The following MLLT10 variants were observed in gnomAD, a reference collection of about 807,000 sequenced individuals.
MLLT10 encodes MLLT10 histone lysine methyltransferase DOT1L cofactor.
In MLLT10, 30 loss-of-function variants were observed where a neutral mutation model predicts 129.1. The observed-to-expected ratio is 0.23, with a 90% CI of 0.17 to 0.32. The LOEUF is 0.32. Ranked by LOEUF, MLLT10 falls within the 10% of genes least tolerant of loss-of-function variation. MLLT10 has a pLI of 1.00. For synonymous variants in MLLT10, 490 were observed against 446.4 expected, an observed-to-expected ratio of 1.10 and a Z score of -1.23; for missense variants, 1,119 against 1,268.3, an observed-to-expected ratio of 0.88 and a Z score of 1.79.
At chr10:21,641,934 T>G (rs1318721123) in intron 8 of MLLT10, among the ~76,000 whole-genome samples, 1 of 152,220 alleles carries the variant, frequency 6.6e-6, no homozygotes, top group African/African-American at 2.4e-5. Context: ...TCATGTGATT[T>G]TTTTGGCTTT....
At chr10:21,644,853 A>G (rs371571373) in intron 8 of MLLT10, among the ~76,000 whole-genome samples, 1 of 151,752 alleles carries the variant, frequency 6.6e-6, no homozygotes, top group Non-Finnish European at 1.5e-5. Context: ...CTGATGTCCA[A>G]CTCCTGGCCT....
chr10:21,712,264 A>G (rs1467028620), intron 13 of MLLT10, among the ~76,000 whole-genome samples: 1 of 151,226 alleles, frequency 6.6e-6, no homozygotes, highest in Non-Finnish European at 1.5e-5. Context: ...GCTGGAGTGC[A>G]GTGATACAAT....
Position 21,603,116 on chromosome 10 carries a change from G to A in MLLT10, c.405+7676G>A, listed in dbSNP as rs192555754. Among the ~76,000 whole-genome samples the A allele has an allele frequency of 1.4e-3, 209 of 146,104 alleles. 4 individuals are homozygous for A. The highest frequency in any genetic ancestry group is 5.0e-3 in the African/African-American group (195 of 39,310). ...TTCCCAGGCTGAAATGCAGTGGTGC[G>A]ATCTTGGCTCACTGCAACCTCCTCC... is the stretch of plus-strand genomic sequence containing the variant. On this transcript the variant is annotated intron_variant, in intron 5 of 22. Transcript: ENST00000307729.
rs533869347 is a variant in MLLT10 at position 21,623,755 on chromosome 10, A to G, written c.699+6548A>G. Among the ~76,000 whole-genome samples, 10 of 152,272 alleles carry G rather than the reference A, an allele frequency of 6.6e-5. No homozygotes were observed. In the South Asian group the frequency reaches 1.9e-3, roughly 28 times the overall value. On this transcript the variant is annotated intron_variant, in intron 8 of 22. Coordinates refer to ENST00000307729, the MANE Select transcript of MLLT10 (RefSeq NM_001195626.3). ...TTGTTAGAAAGTTTTAAAAGCACCA[A>G]CCTCACTTCTATCCCACTCAATCTG... is the stretch of plus-strand genomic sequence containing the variant.
intron 14 of MLLT10, among the ~76,000 whole-genome samples, chr10:21,717,047 A>G (rs969288311): frequency 6.6e-6 from 1 of 151,850 alleles, no homozygotes; most frequent in South Asian, 2.1e-4. Context: ...ACCTGAGGTT[A>G]GGAGTTCGAG....
At position 21,730,916 on chromosome 10, in the gene MLLT10, T is replaced by C; in HGVS notation, c.2080T>C (p.Leu694=). 6.2e-7 allele frequency: 1 copy of C among 1,614,158 alleles called. No individual in the cohort carries two copies. Among genetic ancestry groups the C allele is most frequent in the Admixed American group, 1.7e-5 (1 of 60,018 alleles). ...TTTCAACAGATCCCCTGTAAGCAGC[T>C]TACAGATTCGCTATGATCAACCAGG... ...SLSPRSPVSS[L]QIRYDQPGNS... Residue 694 remains leucine, a synonymous_variant, in exon 17 of 23, where the codon TTA becomes CTA. Coordinates refer to ENST00000307729, the MANE Select transcript of MLLT10 (RefSeq NM_001195626.3).
At chr10:21,625,710 G>A in intron 8 of MLLT10, 1 of 767,856 alleles carries the variant, frequency 1.3e-6, no homozygotes, top group Non-Finnish European at 2.4e-6. Context: ...AAAGTCTGTT[G>A]TTTGCCACAG....
intron 13 of MLLT10, among the ~76,000 whole-genome samples, chr10:21,710,933 G>C (rs956014761): frequency 6.6e-6 from 1 of 152,122 alleles, no homozygotes; most frequent in Non-Finnish European, 1.5e-5. Flanking sequence ...ATCACTACAT[G>C]TACTTACTTA....
chr10:21,662,849 T>A (rs546151643), intron 9 of MLLT10, among the ~76,000 whole-genome samples: 1 of 152,302 alleles, frequency 6.6e-6, no homozygotes, highest in Admixed American at 6.5e-5. Flanking sequence ...TATATTTCTA[T>A]AATTAGGTTT....
At chr10:21,578,156 A>G (rs1340740255) in intron 3 of MLLT10, among the ~76,000 whole-genome samples, 1 of 152,128 alleles carries the variant, frequency 6.6e-6, no homozygotes, top group East Asian at 1.9e-4. Flanking sequence ...AGACCTCCCA[A>G]AGTGTTGAGA....
chr10:21,684,259 C>A (rs945653618), intron 13 of MLLT10, among the ~76,000 whole-genome samples: 1 of 152,108 alleles, frequency 6.6e-6, no homozygotes, highest in African/African-American at 2.4e-5. Context: ...CTATTTTCTC[C>A]TTGACTCTCT....
At chr10:21,584,838 A>C (rs750428923) in intron 3 of MLLT10, among the ~76,000 whole-genome samples, 32 of 151,752 alleles carry the variant, frequency 2.1e-4, no homozygotes, top group Non-Finnish European at 3.7e-4. Context: ...ATGTATACAT[A>C]CACACATATA....
At chr10:21,709,849 C>T (rs1448256780) in intron 13 of MLLT10, among the ~76,000 whole-genome samples, 1 of 151,966 alleles carries the variant, frequency 6.6e-6, no homozygotes, top group Non-Finnish European at 1.5e-5. Flanking sequence ...GCAGTTCTCC[C>T]ACCTCAGCCT....
At chr10:21,616,647 C>A (rs1040963709) in intron 7 of MLLT10, among the ~76,000 whole-genome samples, 3 of 151,928 alleles carry the variant, frequency 2.0e-5, no homozygotes, top group African/African-American at 7.2e-5. Flanking sequence ...TATTGAACTG[C>A]AGAGATAAAT....
intron 21 of MLLT10, among the ~76,000 whole-genome samples, chr10:21,738,131 G>A (rs1050617534): frequency 3.3e-5 from 5 of 152,070 alleles, no homozygotes; most frequent in African/African-American, 1.2e-4. Flanking sequence ...AGCCGGGTGT[G>A]GTGGCGCGTG....
chr10:21,558,206 C>T (rs1388798442), intron 3 of MLLT10, among the ~76,000 whole-genome samples: 1 of 152,046 alleles, frequency 6.6e-6, no homozygotes, highest in Non-Finnish European at 1.5e-5. Context: ...CCACCTCGAC[C>T]TCCCAAAGTG....
intron 13 of MLLT10, among the ~76,000 whole-genome samples, chr10:21,712,422 G>A (rs2056191930): frequency 6.6e-6 from 1 of 152,070 alleles, no homozygotes; most frequent in Admixed American, 6.5e-5. Context: ...TTGTTGTCCA[G>A]GCTATGTTGA....
chr10:21,601,447 A>G (rs1396631047), intron 5 of MLLT10, among the ~76,000 whole-genome samples: 1 of 152,244 alleles, frequency 6.6e-6, no homozygotes, highest in Non-Finnish European at 1.5e-5. Context: ...AGTGTATAGT[A>G]GCAGCTTAAA....
chr10:21,668,985 T>C (rs1412428878), intron 9 of MLLT10: 2 of 1,367,802 alleles, frequency 1.5e-6, no homozygotes, highest in Admixed American at 2.1e-5. Context: ...GGAAAAAGTA[T>C]TTGAAAAATG....
Sources: allele counts gnomAD v4.1 joint callset (sites outside exome capture counted in the v4.1 genomes callset), GRCh38; gene constraint gnomAD v4.1.1; transcripts MANE v1.5; gene names NCBI Gene and HGNC (gene_info 2026-07-23, HGNC 2026-07-21).